Variants in OBP2A observed in about 807,000 individuals in gnomAD.
OBP2A encodes odorant binding protein 2A, also known as odorant-binding protein 2a.
Under a neutral mutation model 21.9 loss-of-function variants are expected in OBP2A, and 15 were observed. The ratio of observed to expected loss-of-function variants is 0.69; its 90% CI spans 0.46 to 1.06. The LOEUF (loss-of-function observed/expected upper bound fraction) is 1.06, where lower values mean the gene tolerates loss of function less well. Among genes scored for constraint, OBP2A ranks in the 50% least tolerant of loss-of-function variants. The pLI, the probability that OBP2A is intolerant of heterozygous loss-of-function variation, is 0.00. For missense variants in OBP2A, 192 were observed against 220.1 expected (o/e 0.87, Z 0.81); for synonymous variants, 86 against 91.8 (o/e 0.94, Z 0.36).
chr9:135,549,038 C>T lies in OBP2A; in HGVS notation c.490+229C>T, dbSNP rs191129959. On this transcript the variant is annotated intron_variant, in intron 5 of 6. Transcript: ENST00000371776. ...TGGGCTGCGATGGGGTCTGGGGCTC[C>T]GCGCTCTGGGCTGCGATGGGGTCTG... 4.7e-4 allele frequency among the ~76,000 whole-genome samples: 54 copies of T among 115,362 alleles called. 1 individual carries two copies. Among genetic ancestry groups the T allele is most frequent in the Admixed American group, 1.4e-3 (16 of 11,688 alleles). The allele number at this position is 115,362 out of a possible 152,430, so 75.7% of individuals were successfully genotyped here. A position where few individuals can be genotyped will look rare whatever the true frequency, so the allele number is the denominator to read the frequency against.
In OBP2A at chr9:135,547,331, C is replaced by T. The variant is rs1449086080; in HGVS notation, c.277+83C>T. On this transcript the variant is annotated intron_variant, in intron 3 of 6. Coordinates refer to ENST00000371776, the MANE Select transcript of OBP2A (RefSeq NM_014582.3). ...CTGCAGGTGGAGAGTGCCCAGGCCA[C>T]ACTTCTGCCAGGGTCCCAGCCCTGC... 10 of 1,466,876 alleles carry T rather than the reference C, an allele frequency of 6.8e-6. No individual in the cohort carries two copies. The African/African-American group carries it at 1.4e-4, about 20-fold the overall frequency. The allele number at this position is 1,466,876 out of a possible 1,614,324, so 90.9% of individuals were successfully genotyped here.
Position 135,549,439 on chromosome 9 carries a change from C to G in OBP2A, c.*1+108C>G. The G allele has an allele frequency of 9.5e-6, 9 of 946,302 alleles. 1 individual carries two copies. The South Asian group carries it at 1.4e-4, about 15-fold the overall frequency. The allele number at this position is 946,302 out of a possible 1,614,324, so 58.6% of individuals were successfully genotyped here. A position where few individuals can be genotyped will look rare whatever the true frequency, so the allele number is the denominator to read the frequency against. On this transcript the variant is annotated intron_variant, in intron 6 of 6. Coordinates refer to ENST00000371776, the MANE Select transcript of OBP2A (RefSeq NM_014582.3). ...CCCATCCCACACAGCCAGGGAGACC[C>G]CCCCAGGGTCAGGCACGAGGTTGGC...
At chr9:135,546,599 C>A (rs1831938033) in intron 1 of OBP2A, among the ~76,000 whole-genome samples, 179 bp from the exon 2 acceptor site, 2 of 151,990 alleles carry the variant, frequency 1.3e-5, no homozygotes, top group Admixed American at 1.3e-4. Flanking sequence ...GAGCCCTGAG[C>A]AGGGGGCTGG....
Position 135,547,807 on chromosome 9 carries a change from G to A in OBP2A, c.278-64G>A, listed in dbSNP as rs1831982689. 2.0e-5 allele frequency: 25 copies of A among 1,238,616 alleles called. 1 individual carries two copies. The South Asian group carries it at 3.6e-4, about 18-fold the overall frequency. The allele number at this position is 1,238,616 out of a possible 1,614,324, so 76.7% of individuals were successfully genotyped here. A position where few individuals can be genotyped will look rare whatever the true frequency, so the allele number is the denominator to read the frequency against. ...GAAACATTCCTGAGTGTTTCTTCGT[G>A]TGGTCCTGAGTGCTCTCTCCGGGAA... On this transcript the variant is annotated intron_variant, in intron 3 of 6. Coordinates refer to ENST00000371776, the MANE Select transcript of OBP2A (RefSeq NM_014582.3).
rs767832694 is a variant in OBP2A, at chr9:135,547,200, A to G, written c.229A>G (p.Lys77Glu). The G allele has an allele frequency of 6.2e-7, 1 of 1,612,760 alleles. No individual in the cohort carries two copies. Among genetic ancestry groups the G allele is most frequent in the Non-Finnish European group, 8.5e-7 (1 of 1,179,940 alleles). ...CAGGAGGGAGGATCGGTGCATCCAG[A>G]AGAAAATCCTGATGCGGAAGACGGA... ...TFMREDRCIQ[K>E]KILMRKTEEP... The change falls in exon 3 of 7, where the codon AAG (lysine) becomes GAG (glutamate). Residue 77 changes from lysine to glutamate, a missense_variant. Coordinates refer to ENST00000371776, the MANE Select transcript of OBP2A (RefSeq NM_014582.3).
intron 1 of OBP2A, among the ~76,000 whole-genome samples, 167 bp downstream of exon 1, chr9:135,546,419 GC>G (rs754402815): frequency 5.8e-5 from 5 of 86,434 alleles, no homozygotes; most frequent in Admixed American, 1.4e-4. Flanking sequence ...AGCAGACACG[GC>G]CCCCCGAGGC....
rs113587617 is a variant in OBP2A at position 135,548,881 on chromosome 9, C to T, written c.490+72C>T. On this transcript the variant is annotated intron_variant, in intron 5 of 6. Transcript: ENST00000371776. The stretch of plus-strand genomic sequence containing the variant: ...GTGATCTCCAGTGTCCCATGACCCC[C>T]ATGTCCTCCCATGTCCCCCGCATTC... The T allele has an allele frequency of 1.5e-3, 2,149 of 1,436,002 alleles. 19 individuals are homozygous for T. Among genetic ancestry groups the T allele is most frequent in the Non-Finnish European group, 1.7e-3 (1,720 of 1,020,532 alleles). 89.0% of individuals were successfully genotyped at this position (1,436,002 alleles called of 1,614,324 possible).
rs1832023260 is a variant in OBP2A at position 135,548,705 on chromosome 9, C to T, written c.389-3C>T. 1 of 1,613,768 alleles carries T rather than the reference C, an allele frequency of 6.2e-7. No homozygotes were observed. The highest frequency in any genetic ancestry group is 1.3e-5 in the African/African-American group (1 of 74,912). The stretch of plus-strand genomic sequence containing the variant: ...TTGGCTCACCTGGCCACCTCACCTG[C>T]AGGTAGGAATCCTAATACCAACCTG... On this transcript the variant is annotated splice_polypyrimidine_tract_variant and splice_region_variant and intron_variant, in intron 4 of 6. Transcript: ENST00000371776.
intron 3 of OBP2A, among the ~76,000 whole-genome samples, 175 bp from the exon 4 acceptor site, chr9:135,547,696 G>C (rs115511732): frequency 6.6e-6 from 1 of 152,210 alleles, no homozygotes; most frequent in African/African-American, 2.4e-5. Flanking sequence ...CCTTCCGAGA[G>C]GAGGCTCCTG....
intron 4 of OBP2A, 43 bp downstream of exon 4, chr9:135,548,024 C>T: frequency 7.1e-7 from 1 of 1,414,212 alleles, no homozygotes; most frequent in Non-Finnish European, 9.7e-7. Flanking sequence ...CCCATGGTCT[C>T]TGCCTCCAGA....
In OBP2A at chr9:135,547,195, T is replaced by C. The variant is rs1425679036; in HGVS notation, c.224T>C (p.Ile75Thr). Residue 75 changes from isoleucine to threonine, a missense_variant, in exon 3 of 7, where the codon ATC becomes ACC. By Grantham distance (89) the Ile-to-Thr change is moderately conservative (BLOSUM62 -1). Coordinates refer to ENST00000371776, the MANE Select transcript of OBP2A (RefSeq NM_014582.3). Reference protein sequence around the residue: ...TFTFMREDRCIQKKILMRKTE... With the variant: ...TFTFMREDRCTQKKILMRKTE... ...TTTTCCAGGAGGGAGGATCGGTGCA[T>C]CCAGAAGAAAATCCTGATGCGGAAG... The C allele has an allele frequency of 2.5e-6, 4 of 1,612,618 alleles. No homozygotes were observed. The highest frequency in any genetic ancestry group is 2.5e-6 in the Non-Finnish European group (3 of 1,179,894).
chr9:135,549,319 C>A lies in OBP2A; in HGVS notation c.502C>A (p.Leu168Ile), dbSNP rs749757591. 17 of 1,509,840 alleles carry A rather than the reference C, an allele frequency of 1.1e-5. 3 individuals are homozygous for A. The African/African-American group carries it at 1.9e-4, about 17-fold the overall frequency. 93.5% of individuals were successfully genotyped at this position (1,509,840 alleles called of 1,614,324 possible). A position where few individuals can be genotyped will look rare whatever the true frequency, so the allele number is the denominator to read the frequency against. Residue 168 changes from leucine to isoleucine, a missense_variant, in exon 6 of 7, where the codon CTC (leucine) becomes ATC (isoleucine). Transcript: ENST00000371776. The stretch of plus-strand genomic sequence containing the variant: ...CTTGGTCTCTGCAGGAAGCTGCGTT[C>A]TCGAACACTAGGGTGAGTGAGCCTT... ...FMPLQTGSCVLEH is the reference protein window; with the variant it reads ...FMPLQTGSCVIEH
chr9:135,547,327 G>A, intron 3 of OBP2A, 79 bp downstream of exon 3: 1 of 1,492,424 alleles, frequency 6.7e-7, no homozygotes, highest in Admixed American at 1.7e-5. Flanking sequence ...GAGTGCCCAG[G>A]CCACACTTCT....
intron 3 of OBP2A, 49 bp from the exon 4 acceptor site, chr9:135,547,822 C>T (rs76634579): frequency 0.027 from 38,191 of 1,392,858 alleles, 624 homozygotes; most frequent in Non-Finnish European, 0.034. Flanking sequence ...CCTGAGTGCT[C>T]TCTCCGGGAA....
intron 6 of OBP2A, 106 bp from the exon 7 acceptor site, chr9:135,549,731 C>T: frequency 2.7e-6 from 2 of 732,648 alleles, no homozygotes; most frequent in Non-Finnish European, 4.4e-6. Flanking sequence ...CGAGGCTGCC[C>T]AGCAGTGGCC....
intron 1 of OBP2A, among the ~76,000 whole-genome samples, 189 bp from the exon 2 acceptor site, chr9:135,546,589 G>A (rs1441976803): frequency 1.3e-5 from 2 of 151,998 alleles, no homozygotes; most frequent in Non-Finnish European, 2.9e-5. Flanking sequence ...TGGGGGCTGG[G>A]AGCCCTGAGC....
chr9:135,548,947 G>A (rs1377450876), intron 5 of OBP2A, 138 bp downstream of exon 5: 2 of 1,028,754 alleles, frequency 1.9e-6, no homozygotes, highest in Non-Finnish European at 2.9e-6. Flanking sequence ...TCTGGGCCCT[G>A]CTTAGCATCC....
At position 135,546,288 on chromosome 9, in the gene OBP2A, G is replaced by A; in HGVS notation, c.72+36G>A. On this transcript the variant is annotated intron_variant, in intron 1 of 6. Transcript: ENST00000371776. ...TTGGCGTGGGCGGATGGAGGAGCCA[G>A]GTGGACTCCTGGGCAGGGGGCAGTG... 6.8e-6 allele frequency: 10 copies of A among 1,476,322 alleles called. 3 individuals carry two copies. Among genetic ancestry groups the A allele is most frequent in the Non-Finnish European group, 9.3e-6 (10 of 1,072,118 alleles). 91.5% of individuals were successfully genotyped at this position (1,476,322 alleles called of 1,614,324 possible).
chr9:135,547,816 A>C, intron 3 of OBP2A, 55 bp from the exon 4 acceptor site: 2 of 1,331,870 alleles, frequency 1.5e-6, no homozygotes, highest in Non-Finnish European at 2.1e-6. Flanking sequence ...TGTGGTCCTG[A>C]GTGCTCTCTC....
Sources: allele counts gnomAD v4.1 joint callset (sites outside exome capture counted in the v4.1 genomes callset), GRCh38; gene constraint gnomAD v4.1.1; transcripts MANE v1.5; gene names NCBI Gene and HGNC (gene_info 2026-07-23, HGNC 2026-07-21).